Variants in LARGE1 observed in about 807,000 individuals in gnomAD.
LARGE1 encodes xylosyl- and glucuronyltransferase LARGE1.
In LARGE1, 43 loss-of-function variants were observed where a neutral mutation model predicts 87.6. The ratio of observed to expected loss-of-function variants is 0.49; its 90% CI spans 0.38 to 0.63. LARGE1 has a LOEUF of 0.63. Among genes scored for constraint, LARGE1 ranks in the 30% least tolerant of loss-of-function variants. The pLI, the probability that LARGE1 is intolerant of heterozygous loss-of-function variation, is 0.00. For synonymous variants in LARGE1, 434 were observed against 394.6 expected (o/e 1.10, Z -1.18); for missense variants, 802 against 1,000.2 (o/e 0.80, Z 2.67).
the LARGE1 span, among the ~76,000 whole-genome samples, chr22:33,094,085 A>C: frequency 8.9e-3 from 1,353 of 151,902 alleles, 9 homozygotes; most frequent in Middle Eastern, 0.02. Flanking sequence ...TTCCTATTTT[A>C]GTTCAAAGTA....
chr22:33,353,780 C>A (rs1027574381), intron 9 of LARGE1, among the ~76,000 whole-genome samples: 3 of 152,136 alleles, frequency 2.0e-5, no homozygotes, highest in African/African-American at 7.2e-5. Context: ...AGGTACAGTG[C>A]TTTAACTGGA....
At chr22:33,572,833 A>G (rs1602504220) in intron 5 of LARGE1, among the ~76,000 whole-genome samples, 1 of 151,810 alleles carries the variant, frequency 6.6e-6, no homozygotes, top group African/African-American at 2.4e-5. Context: ...TCGTGCCACT[A>G]CACTCCAGCC....
chr22:33,237,039 G>T (rs905743069), intron 11 of LARGE1, among the ~76,000 whole-genome samples: 7 of 152,162 alleles, frequency 4.6e-5, no homozygotes, highest in Non-Finnish European at 4.4e-5. Context: ...GTTAGAATTG[G>T]ACCATAATGG....
intron 1 of LARGE1, among the ~76,000 whole-genome samples, chr22:33,912,196 G>A (rs2065657902): frequency 6.6e-6 from 1 of 152,108 alleles, no homozygotes; most frequent in Admixed American, 6.5e-5. Flanking sequence ...AAGGATCTAC[G>A]CAACTGTTCT....
At chr22:33,573,654 C>T (rs1433690837) in intron 5 of LARGE1, among the ~76,000 whole-genome samples, 2 of 152,130 alleles carry the variant, frequency 1.3e-5, no homozygotes, top group Non-Finnish European at 2.9e-5. Flanking sequence ...ATTCAGTATC[C>T]ATGACTGCAC....
chr22:33,596,580 A>G (rs2078981602), intron 5 of LARGE1, among the ~76,000 whole-genome samples: 1 of 152,254 alleles, frequency 6.6e-6, no homozygotes, highest in African/African-American at 2.4e-5. Flanking sequence ...CACAAAGGAA[A>G]GAAGGAAGAA....
At chr22:33,556,564 GAGGCAGGC>G (rs1170450606) in intron 6 of LARGE1, among the ~76,000 whole-genome samples, 3 of 59,902 alleles carry the variant, frequency 5.0e-5, no homozygotes, top group Admixed American at 4.0e-4. Context: ...GGGAGGGAGG[GAGGCAGGC>G]AGGCAGGCAG....
chr22:33,442,856 T>G (rs1300484652), intron 6 of LARGE1, among the ~76,000 whole-genome samples: 1 of 150,880 alleles, frequency 6.6e-6, no homozygotes, highest in South Asian at 2.1e-4. Context: ...GCAGTGGCAC[T>G]ATCTCCGCTC....
rs552479093 is a variant in LARGE1, at chr22:33,799,181, T to C, written c.-82-37623A>G. ...GTACCTTGCAAAATGTTCTCAGTGG[T>C]GGAGTATCACGCCAAAGAAACACCT... On this transcript the variant is annotated intron_variant, in intron 1 of 14. Transcript: ENST00000397394. 2.0e-5 allele frequency among the ~76,000 whole-genome samples: 3 copies of C among 152,096 alleles called. No homozygotes were observed. In the South Asian group the frequency reaches 6.2e-4, roughly 32 times the overall value.
At chr22:33,102,577 C>T in the LARGE1 span, among the ~76,000 whole-genome samples, 1 of 152,030 alleles carries the variant, frequency 6.6e-6, no homozygotes, top group Non-Finnish European at 1.5e-5. Context: ...CCAACCTCCG[C>T]CTCCCGGGTT....
In LARGE1 at chr22:33,337,634, C is replaced by A. The variant is rs370541163; in HGVS notation, c.1287+12G>T. ...GCCGCCCCTTCCCTGCCCAGCCTTGCGAGCCACTTACGTTTTCACTGTTGA... is the reference window on the plus strand; with the variant it reads ...GCCGCCCCTTCCCTGCCCAGCCTTGAGAGCCACTTACGTTTTCACTGTTGA... On this transcript the variant is annotated intron_variant, in intron 10 of 14. Coordinates refer to ENST00000397394, the MANE Select transcript of LARGE1 (RefSeq NM_133642.5). 6 of 1,613,848 alleles carry A rather than the reference C, an allele frequency of 3.7e-6. No homozygotes were observed. Among genetic ancestry groups the A allele is most frequent in the Non-Finnish European group, 5.1e-6 (6 of 1,179,954 alleles).
chr22:33,657,541 A>T (rs2081001245), intron 2 of LARGE1, among the ~76,000 whole-genome samples: 1 of 152,104 alleles, frequency 6.6e-6, no homozygotes. Flanking sequence ...GAAATACATA[A>T]CAAATGGCTG....
chr22:33,736,584 T>A (rs1275838533), intron 2 of LARGE1, among the ~76,000 whole-genome samples: 1 of 152,250 alleles, frequency 6.6e-6, no homozygotes, highest in Non-Finnish European at 1.5e-5. Flanking sequence ...CTATTTTGTG[T>A]CTTTTAATTT....
At chr22:33,604,766 A>C (rs545106548) in intron 4 of LARGE1, among the ~76,000 whole-genome samples, 6 of 152,114 alleles carry the variant, frequency 3.9e-5, no homozygotes, top group Non-Finnish European at 8.8e-5. Context: ...AACCTCTGTG[A>C]CTCAGAGAAG....
intron 5 of LARGE1, among the ~76,000 whole-genome samples, chr22:33,598,228 C>T (rs977477790): frequency 2.0e-5 from 3 of 152,056 alleles, no homozygotes; most frequent in Admixed American, 1.3e-4. Flanking sequence ...TGCCATGTAC[C>T]GGTTACATGA....
chr22:33,156,163 A>G, the LARGE1 span, among the ~76,000 whole-genome samples: 3 of 152,190 alleles, frequency 2.0e-5, no homozygotes, highest in Non-Finnish European at 4.4e-5. Context: ...TGAGGGTCAG[A>G]GTCCCCACAC....
chr22:33,528,450 G>A (rs2072024469), intron 6 of LARGE1, among the ~76,000 whole-genome samples: 1 of 152,182 alleles, frequency 6.6e-6, no homozygotes, highest in South Asian at 2.1e-4. Context: ...GAGCAACTGA[G>A]CTTCATGGCC....
chr22:33,168,642 C>A (rs550280023), intron 11 of LARGE1, among the ~76,000 whole-genome samples: 95 of 152,296 alleles, frequency 6.2e-4, no homozygotes, highest in African/African-American at 2.3e-3. Flanking sequence ...TCATAACAAC[C>A]TTATAAGGAA....
intron 4 of LARGE1, among the ~76,000 whole-genome samples, chr22:33,616,350 C>G (rs929720444): frequency 3.3e-5 from 5 of 151,436 alleles, no homozygotes; most frequent in Non-Finnish European, 4.4e-5. Context: ...CTCCCAAAAA[C>G]AAAAAAATAA....
Sources: allele counts gnomAD v4.1 joint callset (sites outside exome capture counted in the v4.1 genomes callset), GRCh38; gene constraint gnomAD v4.1.1; transcripts MANE v1.5; gene names NCBI Gene and HGNC (gene_info 2026-07-23, HGNC 2026-07-21).